Variants in OCRL observed in about 807,000 individuals in gnomAD.
The protein encoded by OCRL is inositol polyphosphate 5-phosphatase OCRL.
A neutral mutation model predicts 78.9 loss-of-function variants in OCRL; 8 were observed. The observed-to-expected ratio is 0.10, with a 90% CI of 0.06 to 0.18. The LOEUF is 0.18. OCRL is among the 10% of genes least tolerant of loss of function. OCRL has a pLI of 1.00. For missense variants in OCRL, 454 were observed against 696.7 expected (o/e 0.65, Z 3.92); for synonymous variants, 240 against 235.4 (o/e 1.02, Z -0.18).
chrX:129,575,402 A>G (rs1936355982), intron 16 of OCRL, 152 bp downstream of exon 16: 1 of 446,803 alleles, frequency 2.2e-6, no homozygotes. Flanking sequence ...GCTGTTTAGT[A>G]GATGTATGAC....
At position 129,575,939 on chromosome X, in the gene OCRL, A is replaced by G. The variant is rs1879859148; in HGVS notation, c.1756A>G (p.Lys586Glu). ...GAAGTTTCGGCAACTACAAAAGGAG[A>G]AGTTCCAGATCAGCAACAATGGACA... ...NVKFRQLQKE[K>E]FQISNNGQVP... The change falls in exon 17 of 24, where the codon AAG (lysine) becomes GAG (glutamate). Residue 586 changes from lysine to glutamate, a missense_variant. Lys to Glu is a moderately conservative substitution (Grantham distance 56, BLOSUM62 1). Coordinates refer to ENST00000371113, the MANE Select transcript of OCRL (RefSeq NM_000276.4). The G allele has an allele frequency of 2.5e-6, 3 of 1,210,375 alleles. No individual in the cohort carries two copies. Among genetic ancestry groups the G allele is most frequent in the Non-Finnish European group, 3.4e-6 (3 of 895,244 alleles).
At chrX:129,567,738 G>A (rs1055346877) in intron 14 of OCRL, among the ~76,000 whole-genome samples, 7 of 110,722 alleles carry the variant, frequency 6.3e-5, no homozygotes, top group African/African-American at 9.9e-5. Flanking sequence ...TTTAATTCAG[G>A]ATACCAGAAG....
chrX:129,551,680 C>T (rs1437652249), intron 4 of OCRL, among the ~76,000 whole-genome samples: 1 of 112,434 alleles, frequency 8.9e-6, no homozygotes, highest in Non-Finnish European at 1.9e-5. Flanking sequence ...GTGATCTGCC[C>T]GCCTTGGCCT....
rs201291049 is a variant in OCRL, at chrX:129,589,058, A to G, written c.2469+45A>G. 7.8e-5 allele frequency: 94 copies of G among 1,202,915 alleles called. No individual in the cohort carries two copies. In the East Asian group the frequency reaches 2.8e-3, roughly 36 times the overall value. On this transcript the variant is annotated intron_variant, in intron 22 of 23. Coordinates refer to ENST00000371113, the MANE Select transcript of OCRL (RefSeq NM_000276.4). ...GGATGTGTTTGACGCAGATTGCCCC[A>G]TAGAGAAGTCGTCAGTTTTACAGAG...
intron 8 of OCRL, 40 bp downstream of exon 8, chrX:129,559,041 A>T: frequency 8.8e-7 from 1 of 1,133,282 alleles, no homozygotes; most frequent in East Asian, 3.0e-5. Context: ...AAAAGTTAGT[A>T]TATATAACAG....
chrX:129,576,251 T>C lies in OCRL; in HGVS notation c.1880-66T>C, dbSNP rs565150511. 1.1e-5 allele frequency: 11 copies of C among 1,043,931 alleles called. No homozygotes were observed. The South Asian group carries it at 2.1e-4, about 20-fold the overall frequency. 86.0% of individuals were successfully genotyped at this position (1,043,931 alleles called of 1,213,427 possible). A position where few individuals can be genotyped will look rare whatever the true frequency, so the allele number is the denominator to read the frequency against. On this transcript the variant is annotated intron_variant, in intron 17 of 23. Coordinates refer to ENST00000371113, the MANE Select transcript of OCRL (RefSeq NM_000276.4). ...TTAGAGGACACTTTTCTGTTGGTTC[T>C]TATACTCTTTTTTGCTTTCCCACTG...
chrX:129,558,603 C>G (rs368385221), intron 6 of OCRL, 30 bp from the exon 7 acceptor site: 1 of 1,209,457 alleles, frequency 8.3e-7, no homozygotes, highest in African/African-American at 1.7e-5. Flanking sequence ...GATTTTTTCC[C>G]CGTTTGACTT....
rs770837161 is a variant in OCRL, at chrX:129,561,230, G to C, written c.876G>C (p.Val292=). The C allele has an allele frequency of 2.5e-6, 3 of 1,209,166 alleles. No homozygotes were observed. Among genetic ancestry groups the C allele is most frequent in the Non-Finnish European group, 1.1e-6 (1 of 893,301 alleles). ...STEAFFYFES[V]KEQEWSMAVE... is the part of the protein sequence containing the mutation. Reference sequence around the variant, plus strand: ...AAGCCTTCTTCTACTTTGAATCTGTGAAGGAACAAGAATGGTCCATGGCTG... The same window carrying C: ...AAGCCTTCTTCTACTTTGAATCTGTCAAGGAACAAGAATGGTCCATGGCTG... The change falls in exon 10 of 24, where the codon GTG becomes GTC. Residue 292 remains valine (V), a synonymous_variant. Coordinates refer to ENST00000371113, the MANE Select transcript of OCRL (RefSeq NM_000276.4).
intron 18 of OCRL, among the ~76,000 whole-genome samples, chrX:129,581,406 A>C (rs758602505): frequency 5.8e-4 from 65 of 111,421 alleles, no homozygotes; most frequent in Non-Finnish European, 1.1e-3. Context: ...AATTGGTTGA[A>C]CTAAGTGATT....
chrX:129,548,714 T>C, intron 4 of OCRL, 113 bp downstream of exon 4: 1 of 613,792 alleles, frequency 1.6e-6, no homozygotes, highest in Non-Finnish European at 2.7e-6. Flanking sequence ...TCTTTTCCTG[T>C]AGTCTCCTGT....
chrX:129,586,449 G>A (rs1203905885), intron 19 of OCRL, among the ~76,000 whole-genome samples: 2 of 112,288 alleles, frequency 1.8e-5, no homozygotes, highest in Non-Finnish European at 3.8e-5. Flanking sequence ...CAAGCCTGAA[G>A]TATTTACATA....
chrX:129,557,495 G>A lies in OCRL; in HGVS notation c.349+60G>A, dbSNP rs954341254. On this transcript the variant is annotated intron_variant, in intron 5 of 23. Transcript: ENST00000371113. Reference sequence around the variant, plus strand: ...TTCAACGGGAGTGGAATTCTGACATGCTGATACAGAGGAAAGTGGCCATTG... The same window carrying A: ...TTCAACGGGAGTGGAATTCTGACATACTGATACAGAGGAAAGTGGCCATTG... The A allele has an allele frequency of 2.9e-6, 3 of 1,029,147 alleles. No individual in the cohort carries two copies. In the East Asian group the frequency reaches 9.1e-5, roughly 31 times the overall value. 84.8% of individuals were successfully genotyped at this position (1,029,147 alleles called of 1,213,427 possible).
intron 6 of OCRL, 32 bp downstream of exon 6, chrX:129,557,982 A>G (rs1330486744): frequency 2.2e-6 from 2 of 920,666 alleles, no homozygotes; most frequent in African/African-American, 3.9e-5. Context: ...CCTTGTTGCT[A>G]TGGTCATTGC....
intron 9 of OCRL, 105 bp downstream of exon 9, chrX:129,560,756 T>A (rs1360939381): frequency 1.9e-6 from 1 of 517,438 alleles, no homozygotes; most frequent in Non-Finnish European, 3.3e-6. Context: ...TACTGTAGAC[T>A]ATACACGAGA....
chrX:129,570,112 CTG>C (rs1936280354), intron 15 of OCRL, among the ~76,000 whole-genome samples: 1 of 111,462 alleles, frequency 9.0e-6, no homozygotes, highest in Admixed American at 9.5e-5. Context: ...TATTTTTAAA[CTG>C]TGTGTTATTG....
At chrX:129,578,302 A>G (rs1418918978) in intron 18 of OCRL, among the ~76,000 whole-genome samples, 3 of 111,313 alleles carry the variant, frequency 2.7e-5, no homozygotes, top group Non-Finnish European at 5.7e-5. Flanking sequence ...CTGGGTTCAT[A>G]TAGTATTTGG....
chrX:129,566,894 C>A (rs776967277), intron 13 of OCRL, among the ~76,000 whole-genome samples: 97 of 112,565 alleles, frequency 8.6e-4, no homozygotes, highest in Non-Finnish European at 1.5e-3. Context: ...CAGAATTATT[C>A]ATTCAACATT....
rs777649570 is a variant in OCRL, at chrX:129,588,343, G to A, written c.2341+80G>A. ...CTTCGCACCTATATTTGATTTTTGT[G>A]GTTCTATATTTATTTTCTTTGTAAT... On this transcript the variant is annotated intron_variant, in intron 21 of 23. Transcript: ENST00000371113. The A allele has an allele frequency of 4.4e-5, 30 of 687,734 alleles. No individual in the cohort carries two copies. The African/African-American group carries it at 5.3e-4, about 12-fold the overall frequency. 56.7% of individuals were successfully genotyped at this position (687,734 alleles called of 1,213,427 possible). A position where few individuals can be genotyped will look rare whatever the true frequency, so the allele number is the denominator to read the frequency against.
chrX:129,571,334 TTTTG>T (rs956235923), intron 15 of OCRL, among the ~76,000 whole-genome samples: 2 of 109,201 alleles, frequency 1.8e-5, no homozygotes, highest in Non-Finnish European at 3.8e-5. Flanking sequence ...CTTCAGATTT[TTTTG>T]TTTGTTTTTG....
Sources: gnomAD v4.1 joint callset for allele counts (sites outside exome capture counted in the v4.1 genomes callset) on GRCh38, gnomAD v4.1.1 for gene constraint, MANE v1.5 for transcripts, NCBI Gene and HGNC (gene_info 2026-07-23, HGNC 2026-07-21) for gene names.